TRPC4AP: variants seen among roughly 807,000 people sequenced by gnomAD.
TRPC4AP encodes the protein transient receptor potential cation channel subfamily C member 4 associated protein.
In TRPC4AP, 45 loss-of-function variants were observed where a neutral mutation model predicts 99.0. That is an observed-to-expected ratio of 0.45 (90% confidence interval 0.36 to 0.58). The LOEUF (loss-of-function observed/expected upper bound fraction) is 0.58. Among genes scored for constraint, TRPC4AP ranks in the 20% least tolerant of loss-of-function variants. The pLI, the probability that TRPC4AP is intolerant of heterozygous loss-of-function variation, is 0.00. For synonymous variants in TRPC4AP, 408 were observed against 385.8 expected (o/e 1.06, Z -0.67); for missense variants, 879 against 985.3 (o/e 0.89, Z 1.44).
intron 7 of TRPC4AP, among the ~76,000 whole-genome samples, chr20:35,041,653 G>C (rs1425685962): frequency 1.3e-5 from 2 of 152,184 alleles, no homozygotes; most frequent in African/African-American, 4.8e-5. Context: ...GGGTAATGCT[G>C]GTTTTACTTA....
chr20:35,078,686 A>AC (rs1177114671), intron 1 of TRPC4AP, among the ~76,000 whole-genome samples: 1 of 152,220 alleles, frequency 6.6e-6, no homozygotes, highest in Admixed American at 6.5e-5. Context: ...AAGGAAAGAG[A>AC]CTAAAAGAAT....
At chr20:35,080,552 A>C (rs925257988) in intron 1 of TRPC4AP, among the ~76,000 whole-genome samples, 16 of 151,582 alleles carry the variant, frequency 1.1e-4, no homozygotes, top group African/African-American at 3.6e-4. Context: ...AAAAAAAAAA[A>C]AAAACCTAAA....
intron 12 of TRPC4AP, 136 bp from the exon 13 acceptor site, chr20:35,008,883 T>C: frequency 1.3e-6 from 1 of 750,094 alleles, no homozygotes; most frequent in African/African-American, 1.8e-5. Flanking sequence ...CTGCTCCAAC[T>C]GGGTCCAGAG....
chr20:35,009,042 T>A (rs2147269015), intron 12 of TRPC4AP, among the ~76,000 whole-genome samples: 1 of 152,302 alleles, frequency 6.6e-6, no homozygotes, highest in African/African-American at 2.4e-5. Flanking sequence ...CAAAAGTGTG[T>A]TGAAACAGGT....
At chr20:35,012,961 C>T (rs778204518) in intron 11 of TRPC4AP, 47 bp downstream of exon 11, 4 of 1,605,336 alleles carry the variant, frequency 2.5e-6, no homozygotes, top group African/African-American at 1.3e-5. Context: ...CGAGGCCTTC[C>T]GAAGACAGCC....
chr20:35,066,451 C>T (rs2084147421), intron 3 of TRPC4AP, among the ~76,000 whole-genome samples: 1 of 152,076 alleles, frequency 6.6e-6, no homozygotes, highest in African/African-American at 2.4e-5. Context: ...GAACACCATT[C>T]CTGTACAATC....
chr20:35,067,162 G>A (rs1486009557), intron 3 of TRPC4AP, among the ~76,000 whole-genome samples: 1 of 152,188 alleles, frequency 6.6e-6, no homozygotes, highest in East Asian at 1.9e-4. Context: ...ACCACAATGA[G>A]ATGTCTCTTC....
At chr20:35,033,921 G>A (rs2083259588) in intron 8 of TRPC4AP, among the ~76,000 whole-genome samples, 1 of 13,840 alleles carries the variant, frequency 7.2e-5, no homozygotes, top group Non-Finnish European at 1.6e-4. Context: ...CGAGGCGGGT[G>A]GATCATGAGG....
chr20:35,009,360 A>G (rs1275986063), intron 12 of TRPC4AP, among the ~76,000 whole-genome samples: 1 of 152,186 alleles, frequency 6.6e-6, no homozygotes, highest in Admixed American at 6.5e-5. Flanking sequence ...ACCTTAGAAA[A>G]AAAAGATTGG....
chr20:35,066,440 T>G (rs2084147265), intron 3 of TRPC4AP, among the ~76,000 whole-genome samples: 1 of 152,140 alleles, frequency 6.6e-6, no homozygotes, highest in Admixed American at 6.6e-5. Flanking sequence ...TTTTACACAC[T>G]GAACACCATT....
rs550524842 is a variant in TRPC4AP at position 35,077,965 on chromosome 20, C to T, written c.297+81G>A. 24 of 1,459,964 alleles carry T rather than the reference C, an allele frequency of 1.6e-5. No individual in the cohort carries two copies. In the Admixed American group the frequency reaches 3.2e-4, roughly 19 times the overall value. 90.4% of individuals were successfully genotyped at this position (1,459,964 alleles called of 1,614,324 possible). On this transcript the variant is annotated intron_variant, in intron 2 of 18. Coordinates refer to ENST00000252015, the MANE Select transcript of TRPC4AP (RefSeq NM_015638.3). ...AAAACAGGCTATTTTTAAAAGCCAA[C>T]GGAAGGGAAAAAAAAAACAGCAGAC...
chr20:35,042,273 C>T (rs2083460993), intron 7 of TRPC4AP, among the ~76,000 whole-genome samples: 1 of 152,164 alleles, frequency 6.6e-6, no homozygotes, highest in Non-Finnish European at 1.5e-5. Context: ...CAAACTTCTA[C>T]CTTTACATAT....
rs879566973 is a variant in TRPC4AP at position 35,054,917 on chromosome 20, T to G, written c.528+59A>C. 7 of 1,446,480 alleles carry G rather than the reference T, an allele frequency of 4.8e-6. No homozygotes were observed. The Admixed American group carries it at 1.2e-4, about 25-fold the overall frequency. 89.6% of individuals were successfully genotyped at this position (1,446,480 alleles called of 1,614,324 possible). Reference sequence around the variant, plus strand: ...GCCATTCTACTCGAATATTCCCATCTTAAACATTGCAGACCTGGTAGGGGA... The same window carrying G: ...GCCATTCTACTCGAATATTCCCATCGTAAACATTGCAGACCTGGTAGGGGA... On this transcript the variant is annotated intron_variant, in intron 5 of 18. Coordinates refer to ENST00000252015, the MANE Select transcript of TRPC4AP (RefSeq NM_015638.3).
intron 15 of TRPC4AP, 146 bp from the exon 16 acceptor site, chr20:35,005,949 G>A (rs779328851): frequency 2.7e-5 from 18 of 673,590 alleles, no homozygotes; most frequent in Non-Finnish European, 4.0e-5. Flanking sequence ...GATAAGCTGA[G>A]GGACCTCCCC....
chr20:35,044,349 G>A (rs1367407903), intron 7 of TRPC4AP, among the ~76,000 whole-genome samples, 156 bp downstream of exon 7: 2 of 146,094 alleles, frequency 1.4e-5, no homozygotes, highest in Non-Finnish European at 3.0e-5. Context: ...CCACGATTGT[G>A]CCACTGCACT....
chr20:35,002,894 G>A lies in TRPC4AP; in HGVS notation c.*252C>T, dbSNP rs1323756306. On this transcript the variant is annotated 3_prime_UTR_variant, in exon 19 of 19. Coordinates refer to ENST00000252015, the MANE Select transcript of TRPC4AP (RefSeq NM_015638.3). ...TCCTCTTACCTCTGGGTGGCCCTGG[G>A]CCCCAGGGTTCTGAAGGAAAGGTGG... 1.1e-5 allele frequency: 5 copies of A among 462,584 alleles called. No homozygotes were observed. The highest frequency in any genetic ancestry group is 1.5e-5 in the Non-Finnish European group (4 of 258,386). The allele number at this position is 462,584 out of a possible 1,614,324, so 28.7% of individuals were successfully genotyped here. A position where few individuals can be genotyped will look rare whatever the true frequency, so the allele number is the denominator to read the frequency against.
At position 35,069,403 on chromosome 20, in the gene TRPC4AP, G is replaced by C. The variant is rs750743623; in HGVS notation, c.307C>G (p.Pro103Ala). 6.9e-6 allele frequency: 11 copies of C among 1,604,310 alleles called. No individual in the cohort carries two copies. The South Asian group carries it at 1.2e-4, about 18-fold the overall frequency. ...ECQNILKEIS[P>A]LLSMEAMAFV... ...GCCATAGCCTCCATGGAGAGAAGAG[G>C]AGAAATTTCCTAGTTTTTTTAAAAA... The change falls in exon 3 of 19, where the codon CCT (proline) becomes GCT (alanine). Residue 103 changes from proline (P) to alanine (A), a missense_variant. Physicochemically the swap from Pro to Ala is conservative, Grantham distance 27. This residue lies in a region of TRPC4AP where 603 missense variants were observed against 631.8 expected (regional missense o/e 0.95). Coordinates refer to ENST00000252015, the MANE Select transcript of TRPC4AP (RefSeq NM_015638.3).
chr20:35,078,132 A>C lies in TRPC4AP; in HGVS notation c.211T>G (p.Trp71Gly). Residue 71 changes from tryptophan to glycine, a missense_variant, in exon 2 of 19, where the codon TGG (tryptophan) becomes GGG (glycine). Coordinates refer to ENST00000252015, the MANE Select transcript of TRPC4AP (RefSeq NM_015638.3). Reference protein sequence around the residue: ...FLTERDKQSKWSGIPQLLLKL... With the variant: ...FLTERDKQSKGSGIPQLLLKL... ...AGGAGCAGCTGAGGAATTCCACTCC[A>C]CTTGGATTGTTTGTCCCTCTCCGTC... The C allele has an allele frequency of 6.2e-7, 1 of 1,613,968 alleles. No homozygotes were observed. Among genetic ancestry groups the C allele is most frequent in the Non-Finnish European group, 8.5e-7 (1 of 1,179,958 alleles).
intron 8 of TRPC4AP, among the ~76,000 whole-genome samples, chr20:35,021,807 G>A (rs2082897545): frequency 6.6e-6 from 1 of 152,214 alleles, no homozygotes; most frequent in African/African-American, 2.4e-5. Flanking sequence ...GATTCTTTTT[G>A]AAGAATTCCC....
Sources: gnomAD v4.1 joint callset for allele counts (sites outside exome capture counted in the v4.1 genomes callset) on GRCh38, gnomAD v4.1.1 for gene constraint, gnomAD v4.1.1 regional missense constraint, MANE v1.5 for transcripts, NCBI Gene and HGNC (gene_info 2026-07-23, HGNC 2026-07-21) for gene names.